The following ATG2B variants were observed in gnomAD, a reference collection of about 807,000 sequenced individuals.
The protein encoded by ATG2B is autophagy related 2B, also known as autophagy-related protein 2 homolog B.
ATG2B carries 121 observed loss-of-function variants against 241.3 expected under a neutral mutation model. The observed-to-expected ratio is 0.50, with a 90% CI of 0.43 to 0.58. The LOEUF (loss-of-function observed/expected upper bound fraction) is 0.58. ATG2B is among the 20% of genes least tolerant of loss of function. The probability of loss-of-function intolerance (pLI) is 0.00; values close to 1 mark genes in which losing one functional copy is unlikely to be tolerated. For synonymous variants in ATG2B, 858 were observed against 876.6 expected (o/e 0.98, Z 0.37); for missense variants, 2,306 against 2,491.6 (o/e 0.93, Z 1.59).
intron 1 of ATG2B, among the ~76,000 whole-genome samples, chr14:96,353,792 T>C (rs1267368724): frequency 1.3e-5 from 2 of 151,936 alleles, no homozygotes; most frequent in African/African-American, 4.8e-5. Flanking sequence ...AATGGCAGCA[T>C]GATCAATAAA....
intron 1 of ATG2B, among the ~76,000 whole-genome samples, chr14:96,354,163 T>C (rs1426598362): frequency 1.3e-5 from 2 of 152,234 alleles, no homozygotes; most frequent in East Asian, 3.8e-4. Context: ...CAGGGATACA[T>C]GTGTAGTACA....
At chr14:96,348,081 C>G (rs913517262) in intron 1 of ATG2B, among the ~76,000 whole-genome samples, 1 of 152,136 alleles carries the variant, frequency 6.6e-6, no homozygotes, top group Non-Finnish European at 1.5e-5. Context: ...TTGGAAGCAA[C>G]CTAAGTGTCC....
intron 1 of ATG2B, among the ~76,000 whole-genome samples, chr14:96,351,205 C>A (rs901016101): frequency 6.6e-6 from 1 of 152,182 alleles, no homozygotes; most frequent in African/African-American, 2.4e-5. Flanking sequence ...CCGAGCCCTG[C>A]TGAATTCCAG....
At chr14:96,322,808 T>A in intron 16 of ATG2B, 73 bp from the exon 17 acceptor site, 1 of 1,193,080 alleles carries the variant, frequency 8.4e-7, no homozygotes, top group Non-Finnish European at 1.2e-6. Flanking sequence ...TTGTGCAAAT[T>A]AATACACACA....
intron 29 of ATG2B, among the ~76,000 whole-genome samples, chr14:96,307,322 A>C (rs182136246): frequency 9.5e-4 from 144 of 152,244 alleles, no homozygotes; most frequent in African/African-American, 3.2e-3. Flanking sequence ...GAGGTAGGAG[A>C]ATTGTTTGAA....
At chr14:96,323,831 G>T in intron 16 of ATG2B, 65 bp downstream of exon 16, 1 of 1,043,964 alleles carries the variant, frequency 9.6e-7, no homozygotes, top group South Asian at 1.4e-5. Flanking sequence ...ACAAAATGTT[G>T]GTTTAAAAGA....
rs1887353471 is a variant in ATG2B, at chr14:96,317,742, A to G, written c.2993T>C (p.Phe998Ser). ...AAATGCACTAAAACTATCTTTGTTG[A>G]AAGTATTAATGAGCTGACTGGCTAC... Reference protein sequence around the residue: ...LSVASQLINTFNKDSFSAFKS... With the variant: ...LSVASQLINTSNKDSFSAFKS... The change falls in exon 19 of 42, where the codon TTC becomes TCC. Residue 998 changes from phenylalanine (F) to serine (S), a missense_variant. By Grantham distance (155) the Phe-to-Ser change is radical. Around this residue, in one of 2 missense-constraint regions of ATG2B, gnomAD observed 1,927 missense variants for 2,011.2 expected, o/e 0.96. Transcript: ENST00000359933. The G allele has an allele frequency of 1.9e-6, 3 of 1,611,968 alleles. No homozygotes were observed. The South Asian group carries it at 3.3e-5, about 18-fold the overall frequency.
chr14:96,289,539 G>T lies in ATG2B; in HGVS notation c.6006+117C>A. On this transcript the variant is annotated intron_variant, in intron 41 of 41. Coordinates refer to ENST00000359933, the MANE Select transcript of ATG2B (RefSeq NM_018036.7). The surrounding 1 kb of genome is among the most constrained non-coding windows in gnomAD (Gnocchi z 4.3). ...TGGGCACATGTTATTAGTGGCAGTT[G>T]CCATTCTGCTCCCAGGGATTTCTAC... 8.0e-7 allele frequency: 1 copy of T among 1,257,720 alleles called. No homozygotes were observed. Among genetic ancestry groups the T allele is most frequent in the Non-Finnish European group, 1.1e-6 (1 of 900,028 alleles). The allele number at this position is 1,257,720 out of a possible 1,614,324, so 77.9% of individuals were successfully genotyped here.
intron 16 of ATG2B, 60 bp from the exon 17 acceptor site, chr14:96,322,795 C>A: frequency 7.0e-7 from 1 of 1,425,140 alleles, no homozygotes; most frequent in Non-Finnish European, 9.6e-7. Flanking sequence ...AAAACTTTAA[C>A]TTTTGTGCAA....
intron 1 of ATG2B, among the ~76,000 whole-genome samples, chr14:96,357,614 T>C (rs563900486): frequency 6.6e-6 from 1 of 152,134 alleles, no homozygotes; most frequent in Non-Finnish European, 1.5e-5. Context: ...TATTTCACCA[T>C]CAACTAGGTA....
At position 96,285,538 on chromosome 14, in the gene ATG2B, G is replaced by C; in HGVS notation, c.*217C>G. 1 of 568,338 alleles carries C rather than the reference G, an allele frequency of 1.8e-6. No individual in the cohort carries two copies. Among genetic ancestry groups the C allele is most frequent in the Non-Finnish European group, 3.1e-6 (1 of 318,732 alleles). The allele number at this position is 568,338 out of a possible 1,614,324, so 35.2% of individuals were successfully genotyped here. A position where few individuals can be genotyped will look rare whatever the true frequency, so the allele number is the denominator to read the frequency against. ...GGCAGCAAATGCTTTAAGGACCTTT[G>C]ACACCAGCCACCAAACATTTCTATA... On this transcript the variant is annotated 3_prime_UTR_variant, in exon 42 of 42. Coordinates refer to ENST00000359933, the MANE Select transcript of ATG2B (RefSeq NM_018036.7). This position sits in a 1 kb window ranked among gnomAD's most constrained non-coding sequence, Gnocchi z 4.2.
At chr14:96,340,927 A>G (rs1051287740) in intron 6 of ATG2B, among the ~76,000 whole-genome samples, 4 of 14,702 alleles carry the variant, frequency 2.7e-4, no homozygotes, top group Non-Finnish European at 6.6e-4. Context: ...CCCCATCTCG[A>G]AAAAAAAAAA....
intron 6 of ATG2B, among the ~76,000 whole-genome samples, chr14:96,340,430 A>T (rs754962932): frequency 5.9e-5 from 9 of 152,070 alleles, no homozygotes; most frequent in Non-Finnish European, 7.4e-5. Context: ...CCATTATGTT[A>T]AGTGACATAA....
intron 29 of ATG2B, among the ~76,000 whole-genome samples, chr14:96,308,167 T>A (rs1310180244): frequency 1.4e-5 from 2 of 138,288 alleles, no homozygotes; most frequent in Admixed American, 7.6e-5. Flanking sequence ...CACACATATA[T>A]AAATATATAT....
intron 4 of ATG2B, among the ~76,000 whole-genome samples, chr14:96,343,920 A>C (rs1431545940): frequency 1.3e-5 from 2 of 152,254 alleles, no homozygotes; most frequent in African/African-American, 4.8e-5. Context: ...ATCTTAACAC[A>C]GCTGCTTAAA....
intron 18 of ATG2B, chr14:96,318,201 AC>A (rs1278691603): frequency 6.2e-6 from 1 of 162,130 alleles, no homozygotes; most frequent in Non-Finnish European, 1.3e-5. Flanking sequence ...AAAAATAAAA[AC>A]CCACAAAGAA....
Position 96,285,586 on chromosome 14 carries a change from C to A in ATG2B, c.*169G>T. 1 of 638,132 alleles carries A rather than the reference C, an allele frequency of 1.6e-6. No homozygotes were observed. 39.5% of individuals were successfully genotyped at this position (638,132 alleles called of 1,614,324 possible). On this transcript the variant is annotated 3_prime_UTR_variant, in exon 42 of 42. Coordinates refer to ENST00000359933, the MANE Select transcript of ATG2B (RefSeq NM_018036.7). This position sits in a 1 kb window ranked among gnomAD's most constrained non-coding sequence, Gnocchi z 4.2. ...ATAGGCAAGTATCAACTATAAATGT[C>A]AGAAGTTTTTGGTTGCATGTTGTTT...
At chr14:96,336,452 T>C (rs1381069595) in intron 6 of ATG2B, among the ~76,000 whole-genome samples, 1 of 152,216 alleles carries the variant, frequency 6.6e-6, no homozygotes, top group African/African-American at 2.4e-5. Flanking sequence ...ATATTAAATA[T>C]TGGCTGGCAC....
intron 41 of ATG2B, among the ~76,000 whole-genome samples, chr14:96,288,675 T>C (rs1005458640): frequency 6.6e-6 from 1 of 152,144 alleles, no homozygotes; most frequent in Non-Finnish European, 1.5e-5. Flanking sequence ...GTTGTTAGAA[T>C]ATGACTGAGA....
Sources: allele counts gnomAD v4.1 joint callset (sites outside exome capture counted in the v4.1 genomes callset), GRCh38; gene constraint gnomAD v4.1.1; regional missense constraint gnomAD v4.1.1; non-coding constraint Gnocchi (gnomAD v3.1); transcripts MANE v1.5; gene names NCBI Gene and HGNC (gene_info 2026-07-23, HGNC 2026-07-21).